TMEM178B: variants seen among roughly 807,000 people sequenced by gnomAD.
TMEM178B encodes the protein transmembrane protein 178B.
TMEM178B carries 5 observed loss-of-function variants against 31.0 expected under a neutral mutation model. The ratio of observed to expected loss-of-function variants is 0.16; its 90% CI spans 0.08 to 0.34. TMEM178B has a LOEUF of 0.34. Ranked by LOEUF, TMEM178B falls within the 10% of genes least tolerant of loss-of-function variation. TMEM178B has a pLI of 1.00. For synonymous variants in TMEM178B, 164 were observed against 164.0 expected, an observed-to-expected ratio of 1.00 and a Z score of 0.00; for missense variants, 275 against 400.3, an observed-to-expected ratio of 0.69 and a Z score of 2.67.
At chr7:141,456,352 G>A (rs1042277004) in intron 3 of TMEM178B, among the ~76,000 whole-genome samples, 7 of 152,160 alleles carry the variant, frequency 4.6e-5, no homozygotes, top group Admixed American at 3.3e-4. Flanking sequence ...GCCCACTTAT[G>A]GGCAAGGATG....
intron 2 of TMEM178B, among the ~76,000 whole-genome samples, chr7:141,405,313 G>C (rs1314665261): frequency 1.3e-5 from 2 of 152,240 alleles, no homozygotes; most frequent in African/African-American, 2.4e-5. Context: ...GGCTCGGCCT[G>C]GCTAGGACAG....
At chr7:141,264,980 A>G (rs1208936343) in intron 2 of TMEM178B, among the ~76,000 whole-genome samples, 1 of 152,236 alleles carries the variant, frequency 6.6e-6, no homozygotes, top group Non-Finnish European at 1.5e-5. Context: ...TTATTTGAAT[A>G]TCACTAATGG....
intron 2 of TMEM178B, among the ~76,000 whole-genome samples, chr7:141,431,978 A>G (rs909384700): frequency 1.3e-5 from 2 of 152,196 alleles, no homozygotes; most frequent in Non-Finnish European, 2.9e-5. Context: ...TCAAGTGCAA[A>G]TAAAAAGCAA....
intron 2 of TMEM178B, among the ~76,000 whole-genome samples, chr7:141,430,946 G>A (rs1036643878): frequency 2.6e-5 from 4 of 152,238 alleles, no homozygotes; most frequent in East Asian, 1.9e-4. Context: ...AACCCAGGCC[G>A]CGTGCTCCTA....
chr7:141,495,984 C>A, the TMEM178B span, among the ~76,000 whole-genome samples: 1 of 152,216 alleles, frequency 6.6e-6, no homozygotes, highest in Non-Finnish European at 1.5e-5. Flanking sequence ...ACAGCCTCTT[C>A]ATGTTTACAT....
chr7:141,091,376 C>T (rs1198149389), intron 1 of TMEM178B, among the ~76,000 whole-genome samples: 1 of 152,120 alleles, frequency 6.6e-6, no homozygotes, highest in African/African-American at 2.4e-5. Context: ...ATTTAAAAAC[C>T]TGTAGGAACC....
At chr7:141,484,258 A>T (rs1371476714), downstream of TMEM178B, among the ~76,000 whole-genome samples, 1 of 152,182 alleles carries the variant, frequency 6.6e-6, no homozygotes, top group African/African-American at 2.4e-5. This position sits in a 1 kb window ranked among gnomAD's most constrained non-coding sequence, Gnocchi z 4.8. Context: ...AATTCAGGAG[A>T]GGAGAAAATC....
At chr7:141,125,405 G>T (rs904845439) in intron 1 of TMEM178B, among the ~76,000 whole-genome samples, 1 of 151,976 alleles carries the variant, frequency 6.6e-6, no homozygotes, top group South Asian at 2.1e-4. Flanking sequence ...GCCCGGCGCC[G>T]GATGTGGTGG....
intron 1 of TMEM178B, among the ~76,000 whole-genome samples, chr7:141,190,764 A>G (rs1796684304): frequency 1.3e-5 from 2 of 152,198 alleles, no homozygotes; most frequent in African/African-American, 4.8e-5. Flanking sequence ...CCATCTGTAC[A>G]AGCAGTGTTT....
chr7:141,111,760 G>T (rs565567176), intron 1 of TMEM178B, among the ~76,000 whole-genome samples: 2 of 152,214 alleles, frequency 1.3e-5, no homozygotes, highest in Non-Finnish European at 2.9e-5. Context: ...CATTTCCTCA[G>T]ATAGAGGGCT....
chr7:141,377,106 A>C (rs1022452173), intron 2 of TMEM178B, among the ~76,000 whole-genome samples: 2 of 151,962 alleles, frequency 1.3e-5, no homozygotes, highest in Non-Finnish European at 2.9e-5. Context: ...TTGATTTTTA[A>C]TTTTTACTTG....
intron 2 of TMEM178B, among the ~76,000 whole-genome samples, chr7:141,328,986 T>A (rs552755232): frequency 6.6e-6 from 1 of 152,324 alleles, no homozygotes; most frequent in East Asian, 1.9e-4. Context: ...GCTTCCTTCC[T>A]GATTGGCCTT....
chr7:141,264,498 A>AG (rs1220424748), intron 2 of TMEM178B, among the ~76,000 whole-genome samples: 8 of 152,104 alleles, frequency 5.3e-5, no homozygotes, highest in Admixed American at 1.3e-4. Context: ...CAGATGAGGG[A>AG]GGGGGGTGAG....
chr7:141,337,047 C>G (rs1465291958), intron 2 of TMEM178B, among the ~76,000 whole-genome samples: 1 of 77,096 alleles, frequency 1.3e-5, no homozygotes, highest in Non-Finnish European at 2.4e-5. Context: ...ACCACCACCA[C>G]CATCACCACC....
intron 1 of TMEM178B, among the ~76,000 whole-genome samples, chr7:141,200,072 G>C (rs748030547): frequency 8.6e-5 from 13 of 151,842 alleles, no homozygotes; most frequent in Non-Finnish European, 1.3e-4. Flanking sequence ...TTGTAGACAG[G>C]ATCTCTCTAT....
At chr7:141,230,596 T>A (rs778897019) in intron 2 of TMEM178B, among the ~76,000 whole-genome samples, 1 of 152,166 alleles carries the variant, frequency 6.6e-6, no homozygotes, top group African/African-American at 2.4e-5. Flanking sequence ...GTTACCCTCT[T>A]CACTTTCCCC....
chr7:141,417,656 C>T (rs1448733258), intron 2 of TMEM178B, among the ~76,000 whole-genome samples: 3 of 151,648 alleles, frequency 2.0e-5, no homozygotes, highest in Non-Finnish European at 3.0e-5. Flanking sequence ...TTTCTCCCTA[C>T]CCCCCACCTA....
intron 2 of TMEM178B, among the ~76,000 whole-genome samples, chr7:141,371,487 A>T (rs1800115795): frequency 6.6e-6 from 1 of 152,200 alleles, no homozygotes; most frequent in African/African-American, 2.4e-5. Flanking sequence ...TTTCTTAAAA[A>T]ATTACCTGCC....
Position 141,296,557 on chromosome 7 carries a change from G to C in TMEM178B, c.496+83853G>C, listed in dbSNP as rs182359341. ...TAGAGGGAATATGCTAAGACAGCCA[G>C]CTCTCTGAGGGAACACAGATTTATT... On this transcript the variant is annotated intron_variant, in intron 2 of 3. Coordinates refer to ENST00000565468, the MANE Select transcript of TMEM178B (RefSeq NM_001195278.2). Among the ~76,000 whole-genome samples the C allele has an allele frequency of 4.2e-4, 64 of 152,320 alleles. 1 individual carries two copies. Among genetic ancestry groups the C allele is most frequent in the African/African-American group, 1.4e-3 (57 of 41,572 alleles).
Sources: allele counts gnomAD v4.1 joint callset (sites outside exome capture counted in the v4.1 genomes callset), GRCh38; gene constraint gnomAD v4.1.1; non-coding constraint Gnocchi (gnomAD v3.1); transcripts MANE v1.5; gene names NCBI Gene and HGNC (gene_info 2026-07-23, HGNC 2026-07-21).